Variants in MRPS35 observed in about 807,000 individuals in gnomAD.
MRPS35 encodes the protein small ribosomal subunit protein mS35.
A neutral mutation model predicts 32.7 loss-of-function variants in MRPS35; 29 were observed. The observed-to-expected ratio is 0.89, with a 90% CI of 0.66 to 1.21. The LOEUF (loss-of-function observed/expected upper bound fraction) is 1.21, where lower values mean the gene tolerates loss of function less well. Among genes scored for constraint, MRPS35 ranks in the 50% most tolerant of loss-of-function variants. The pLI, the probability that MRPS35 is intolerant of heterozygous loss-of-function variation, is 0.00. For missense variants in MRPS35, 373 were observed against 383.8 expected (o/e 0.97, Z 0.23); for synonymous variants, 148 against 139.3 (o/e 1.06, Z -0.44).
chr12:27,727,163 G>T (rs550170047), intron 5 of MRPS35, among the ~76,000 whole-genome samples: 4 of 151,856 alleles, frequency 2.6e-5, no homozygotes, highest in African/African-American at 9.7e-5. Flanking sequence ...GGTTTTCACC[G>T]TGTTAGCCAG....
intron 5 of MRPS35, among the ~76,000 whole-genome samples, chr12:27,734,060 CT>C (rs1209444713): frequency 1.3e-5 from 2 of 152,098 alleles, no homozygotes; most frequent in Non-Finnish European, 2.9e-5. Flanking sequence ...ACTGTGATGT[CT>C]TGAGGGAAGT....
At chr12:27,714,728 A>G in intron 1 of MRPS35, 52 bp from the exon 2 acceptor site, 1 of 1,395,434 alleles carries the variant, frequency 7.2e-7, no homozygotes, top group African/African-American at 1.4e-5. Context: ...TTGAACAACT[A>G]ACTTGACATG....
chr12:27,731,606 TTG>T (rs1429596911), intron 5 of MRPS35, among the ~76,000 whole-genome samples: 1 of 152,200 alleles, frequency 6.6e-6, no homozygotes, highest in African/African-American at 2.4e-5. Flanking sequence ...TCTCGCTCTG[TTG>T]CCCAGGCTGG....
At chr12:27,735,699 A>ATT (rs971977658) in intron 6 of MRPS35, 143 bp downstream of exon 6, 4 of 636,970 alleles carry the variant, frequency 6.3e-6, no homozygotes, top group African/African-American at 5.8e-5. Flanking sequence ...TCTAATTCAT[A>ATT]TTTTTAATAT....
At chr12:27,730,431 T>C (rs1210868045) in intron 5 of MRPS35, among the ~76,000 whole-genome samples, 3 of 152,150 alleles carry the variant, frequency 2.0e-5, no homozygotes, top group African/African-American at 7.2e-5. Flanking sequence ...ATCGAGAGTA[T>C]AGGCTATTAA....
At chr12:27,749,832 CA>C (rs748718347) in intron 7 of MRPS35, among the ~76,000 whole-genome samples, 1 of 152,218 alleles carries the variant, frequency 6.6e-6, no homozygotes, top group Non-Finnish European at 1.5e-5. Context: ...ATCTTCAGAA[CA>C]GCCCTGTGAA....
rs186888401 is a variant in MRPS35 at position 27,713,081 on chromosome 12, C to T, written c.113-1699C>T. Reference sequence around the variant, plus strand: ...GACGCCTGTTAAGTGCCTTCAGCCTCTTTTCTCTCTGTCTCTCTCTGTTCT... The same window carrying T: ...GACGCCTGTTAAGTGCCTTCAGCCTTTTTTCTCTCTGTCTCTCTCTGTTCT... On this transcript the variant is annotated intron_variant, in intron 1 of 7. Transcript: ENST00000081029. 1.4e-4 allele frequency among the ~76,000 whole-genome samples: 21 copies of T among 152,328 alleles called. No homozygotes were observed. In the East Asian group the frequency reaches 4.1e-3, roughly 29 times the overall value.
intron 3 of MRPS35, among the ~76,000 whole-genome samples, chr12:27,718,162 C>T (rs1204607092): frequency 2.6e-5 from 4 of 152,190 alleles, no homozygotes; most frequent in Non-Finnish European, 5.9e-5. Flanking sequence ...TGGTGGCTCA[C>T]ACCCGTAATC....
chr12:27,743,073 C>G (rs2061969941), intron 7 of MRPS35, among the ~76,000 whole-genome samples: 1 of 151,724 alleles, frequency 6.6e-6, no homozygotes, highest in South Asian at 2.1e-4. Flanking sequence ...GTTCACCACA[C>G]TGTTCTCGAA....
At chr12:27,726,589 A>G (rs1449916632) in intron 5 of MRPS35, among the ~76,000 whole-genome samples, 2 of 152,118 alleles carry the variant, frequency 1.3e-5, no homozygotes, top group African/African-American at 2.4e-5. Flanking sequence ...AACAATTTCA[A>G]AGTGGCTTCA....
At chr12:27,730,570 T>G (rs2061918304) in intron 5 of MRPS35, among the ~76,000 whole-genome samples, 1 of 152,128 alleles carries the variant, frequency 6.6e-6, no homozygotes, top group Admixed American at 6.6e-5. Context: ...CCACCTTTGT[T>G]TCCCCAGTAG....
intron 3 of MRPS35, among the ~76,000 whole-genome samples, chr12:27,716,964 C>T (rs960573390): frequency 6.6e-6 from 1 of 151,950 alleles, no homozygotes; most frequent in African/African-American, 2.4e-5. Context: ...GCACTCCAGC[C>T]TGGGCGATAG....
chr12:27,726,969 T>TC (rs973165327), intron 5 of MRPS35, among the ~76,000 whole-genome samples: 6 of 147,284 alleles, frequency 4.1e-5, no homozygotes, highest in Non-Finnish European at 9.1e-5. Flanking sequence ...CCTTTTTTTT[T>TC]TTTTTTTTTG....
intron 3 of MRPS35, among the ~76,000 whole-genome samples, chr12:27,716,832 A>G (rs1352414256): frequency 6.6e-6 from 1 of 152,136 alleles, no homozygotes; most frequent in Non-Finnish European, 1.5e-5. Context: ...TACTAAAAAC[A>G]CACAAAAAAT....
In MRPS35 at chr12:27,735,436, T is replaced by C. The variant is rs1215671332; in HGVS notation, c.523-11T>C. 2 of 1,567,244 alleles carry C rather than the reference T, an allele frequency of 1.3e-6. No individual in the cohort carries two copies. The highest frequency in any genetic ancestry group is 1.7e-6 in the Non-Finnish European group (2 of 1,152,008). On this transcript the variant is annotated splice_polypyrimidine_tract_variant and intron_variant, in intron 5 of 7. Transcript: ENST00000081029. Reference sequence around the variant, plus strand: ...AAATTATTTTTTCAAATAACTTTTCTTATTTTTAAGGTAAAGCTTTCCAGT... The same window carrying C: ...AAATTATTTTTTCAAATAACTTTTCCTATTTTTAAGGTAAAGCTTTCCAGT...
In MRPS35 at chr12:27,751,801, T is replaced by C. The variant is rs1403249958; in HGVS notation, c.703-3380T>C. ...TATACCTTTTACAGACAACAGTGGC[T>C]CAGAGCCAAGGATGTACTTACACAA... On this transcript the variant is annotated intron_variant, in intron 7 of 7. Coordinates refer to ENST00000081029, the MANE Select transcript of MRPS35 (RefSeq NM_021821.4). 2.0e-5 allele frequency among the ~76,000 whole-genome samples: 3 copies of C among 152,224 alleles called. No homozygotes were observed. In the East Asian group the frequency reaches 5.8e-4, roughly 29 times the overall value.
intron 5 of MRPS35, among the ~76,000 whole-genome samples, chr12:27,732,944 G>A (rs190463319): frequency 1.6e-4 from 19 of 120,132 alleles, no homozygotes; most frequent in African/African-American, 5.4e-4. Context: ...AGACATTTCC[G>A]AATTTATGTA....
intron 7 of MRPS35, among the ~76,000 whole-genome samples, chr12:27,751,394 G>A (rs964783070): frequency 1.3e-5 from 2 of 152,174 alleles, no homozygotes; most frequent in African/African-American, 4.8e-5. Context: ...GTGGGTGGAT[G>A]AGCAGAAAGA....
intron 3 of MRPS35, among the ~76,000 whole-genome samples, chr12:27,716,697 T>C (rs916938547): frequency 3.3e-5 from 5 of 152,188 alleles, no homozygotes; most frequent in Non-Finnish European, 5.9e-5. Flanking sequence ...TTTAATAATG[T>C]AATTAGTTGG....
Sources: allele counts gnomAD v4.1 joint callset (sites outside exome capture counted in the v4.1 genomes callset), GRCh38; gene constraint gnomAD v4.1.1; transcripts MANE v1.5; gene names NCBI Gene and HGNC (gene_info 2026-07-23, HGNC 2026-07-21).